The following ZNF91 variants were observed in gnomAD, a reference collection of about 807,000 sequenced individuals.
ZNF91 encodes the protein zinc finger protein 91 (HPF7, HTF10).
Under a neutral mutation model 12.6 loss-of-function variants are expected in ZNF91, and 7 were observed. That is an observed-to-expected ratio of 0.55 (90% CI 0.31 to 1.04). ZNF91 has a LOEUF of 1.04. ZNF91 is among the 50% of genes least tolerant of loss of function. The pLI is 0.05. For missense variants in ZNF91, 1,217 were observed against 1,385.4 expected, an observed-to-expected ratio of 0.88 and a Z score of 1.93; for synonymous variants, 453 against 462.6, an observed-to-expected ratio of 0.98 and a Z score of 0.27.
intron 1 of ZNF91, among the ~76,000 whole-genome samples, chr19:23,330,930 CAT>C (rs1967918500): frequency 6.6e-6 from 1 of 152,072 alleles, no homozygotes; most frequent in South Asian, 2.1e-4. Flanking sequence ...AGATAATTAC[CAT>C]GTTGTGAATA....
intron 1 of ZNF91, among the ~76,000 whole-genome samples, chr19:23,383,638 A>T (rs1056197417): frequency 1.3e-5 from 2 of 151,850 alleles, no homozygotes; most frequent in Non-Finnish European, 2.9e-5. Flanking sequence ...CAGTTGGCCA[A>T]GATTGTGCCC....
In ZNF91 at chr19:23,361,262, G is replaced by A. The variant is rs759045461; in HGVS notation, c.1717C>T (p.Leu573Phe). ...TTGCCACATTCTTCACATTTGTAGA[G>A]TTTCTTTCCAGCATGAATTATTTTA... ...THKIIHAGKK[L>F]YKCEECGKAF... The change falls in exon 4 of 4, where the codon CTC (leucine) becomes TTC (phenylalanine). Residue 573 changes from leucine to phenylalanine, a missense_variant. Coordinates refer to ENST00000300619, the MANE Select transcript of ZNF91 (RefSeq NM_003430.4). The A allele has an allele frequency of 2.6e-5, 42 of 1,613,378 alleles. 1 individual carries two copies. The highest frequency in any genetic ancestry group is 2.3e-4 in the Admixed American group (14 of 59,972).
chr19:23,349,107 A>G (rs942663341), intron 3 of ZNF91, among the ~76,000 whole-genome samples: 1 of 152,198 alleles, frequency 6.6e-6, no homozygotes, highest in African/African-American at 2.4e-5. Context: ...CTAGCGGGAC[A>G]TGGACACTCA....
chr19:23,313,474 G>T (rs1967503301), upstream of ZNF91, among the ~76,000 whole-genome samples: 1 of 152,150 alleles, frequency 6.6e-6, no homozygotes, highest in South Asian at 2.1e-4. Context: ...GTATCAGTGG[G>T]CCCGGAAGCC....
Position 23,395,391 on chromosome 19 carries a change from G to GC in ZNF91, c.-38dup, listed in dbSNP as rs775086995. On this transcript the variant is annotated 5_prime_UTR_variant, in exon 1 of 4. Transcript: ENST00000300619. Reference sequence around the variant, plus strand: ...CTCTCCAATACCTGCAGGTCACAGGGCCACACAGGCTGGGCCTCCTGGAGC... The same window carrying GC: ...CTCTCCAATACCTGCAGGTCACAGGGCCCACACAGGCTGGGCCTCCTGGAGC... The GC allele has an allele frequency of 1.9e-6, 3 of 1,612,136 alleles. No homozygotes were observed. The East Asian group carries it at 6.7e-5, about 36-fold the overall frequency.
At chr19:23,380,817 C>A (rs1362140119) in intron 1 of ZNF91, 1 of 152,062 alleles carries the variant, frequency 6.6e-6, no homozygotes, top group African/African-American at 2.4e-5. Context: ...TAATCTGCTG[C>A]CCATTAAATG....
chr19:23,323,656 CTCCTTTCCTCT>C (rs1284616026), intron 1 of ZNF91, among the ~76,000 whole-genome samples: 3 of 133,552 alleles, frequency 2.2e-5, no homozygotes, highest in South Asian at 2.6e-4. Flanking sequence ...TCCTCTCCTC[CTCCTTTCCTCT>C]TCTCTCCTCC....
At chr19:23,386,483 T>C (rs569001986) in intron 1 of ZNF91, among the ~76,000 whole-genome samples, 2 of 152,252 alleles carry the variant, frequency 1.3e-5, no homozygotes, top group African/African-American at 2.4e-5. Flanking sequence ...TGTAACAGAA[T>C]AGGGAGCCCA....
intron 1 of ZNF91, among the ~76,000 whole-genome samples, chr19:23,391,523 G>A (rs1297082945): frequency 6.6e-6 from 1 of 152,006 alleles, no homozygotes; most frequent in Non-Finnish European, 1.5e-5. Flanking sequence ...CCTCATCTTT[G>A]CAATCTTTAA....
intron 3 of ZNF91, among the ~76,000 whole-genome samples, chr19:23,371,153 C>T (rs1969261764): frequency 6.6e-6 from 1 of 152,024 alleles, no homozygotes; most frequent in Non-Finnish European, 1.5e-5. Flanking sequence ...CCAGCCTAAC[C>T]AACATGAGAG....
chr19:23,312,169 A>T (rs752955597), upstream of ZNF91, among the ~76,000 whole-genome samples: 6 of 151,866 alleles, frequency 4.0e-5, no homozygotes, highest in Non-Finnish European at 8.8e-5. Context: ...ACGTGATATG[A>T]CTCTCCTGCC....
intron 3 of ZNF91, among the ~76,000 whole-genome samples, chr19:23,369,021 G>A (rs913158281): frequency 3.3e-5 from 5 of 152,064 alleles, no homozygotes; most frequent in Admixed American, 1.3e-4. Flanking sequence ...CAATCAAAAT[G>A]AAACCCTTGG....
At chr19:23,380,617 C>T (rs771984210) in intron 1 of ZNF91, 4 of 151,964 alleles carry the variant, frequency 2.6e-5, no homozygotes, top group Non-Finnish European at 5.9e-5. Flanking sequence ...AAGTTAAAAG[C>T]GTCTTAAGAA....
At chr19:23,336,886 T>C (rs973174865), downstream of ZNF91, among the ~76,000 whole-genome samples, 1 of 152,104 alleles carries the variant, frequency 6.6e-6, no homozygotes. Flanking sequence ...TCTCCTGCTT[T>C]TAACTCCTGT....
chr19:23,326,688 TA>T (rs1169384355), intron 1 of ZNF91: 2 of 152,192 alleles, frequency 1.3e-5, no homozygotes, highest in Non-Finnish European at 2.9e-5. Flanking sequence ...TACCATCATG[TA>T]AATTGGAAGC....
At chr19:23,368,764 G>C (rs1345517385) in intron 3 of ZNF91, among the ~76,000 whole-genome samples, 1 of 151,704 alleles carries the variant, frequency 6.6e-6, no homozygotes, top group Non-Finnish European at 1.5e-5. Flanking sequence ...CATGTGATAA[G>C]TGTGAATATC....
chr19:23,363,029 A>T (rs968605009), intron 3 of ZNF91, among the ~76,000 whole-genome samples: 2 of 152,192 alleles, frequency 1.3e-5, no homozygotes, highest in Non-Finnish European at 2.9e-5. Flanking sequence ...TGTAACAAAA[A>T]CATACAGATC....
At chr19:23,362,967 G>A (rs746274394) in intron 3 of ZNF91, among the ~76,000 whole-genome samples, 46 of 152,162 alleles carry the variant, frequency 3.0e-4, no homozygotes, top group Non-Finnish European at 5.4e-4. Flanking sequence ...CCTGCCTCCT[G>A]GGTTCACGCC....
chr19:23,372,629 T>C (rs1053158271), intron 3 of ZNF91, among the ~76,000 whole-genome samples: 4 of 152,212 alleles, frequency 2.6e-5, no homozygotes, highest in Non-Finnish European at 5.9e-5. Context: ...TCTGTAACCA[T>C]CCCAAACTCT....
Sources: gnomAD v4.1 joint callset for allele counts (sites outside exome capture counted in the v4.1 genomes callset) on GRCh38, gnomAD v4.1.1 for gene constraint, MANE v1.5 for transcripts, NCBI Gene and HGNC (gene_info 2026-07-23, HGNC 2026-07-21) for gene names.